The following TMEM108 variants were observed in gnomAD, a reference collection of about 807,000 sequenced individuals.
The protein encoded by TMEM108 is transmembrane protein 108, also known as cancer/testis antigen 124.
TMEM108 carries 12 observed loss-of-function variants against 35.1 expected under a neutral mutation model. The ratio of observed to expected loss-of-function variants is 0.34; its 90% CI spans 0.22 to 0.55. The LOEUF (loss-of-function observed/expected upper bound fraction) is 0.55. Ranked by LOEUF, TMEM108 falls within the 20% of genes least tolerant of loss-of-function variation. TMEM108 has a pLI of 0.89. For synonymous variants in TMEM108, 287 were observed against 308.6 expected, an observed-to-expected ratio of 0.93 and a Z score of 0.73; for missense variants, 680 against 753.3, an observed-to-expected ratio of 0.90 and a Z score of 1.14.
At chr3:133,286,037 C>G (rs1470276354) in intron 3 of TMEM108, among the ~76,000 whole-genome samples, 2 of 152,224 alleles carry the variant, frequency 1.3e-5, no homozygotes, top group South Asian at 2.1e-4. Flanking sequence ...ACTTTCACAA[C>G]TACCTCATCA....
At chr3:133,117,881 A>G (rs1396896975) in intron 2 of TMEM108, among the ~76,000 whole-genome samples, 1 of 152,188 alleles carries the variant, frequency 6.6e-6, no homozygotes, top group Non-Finnish European at 1.5e-5. Flanking sequence ...TGGAGTAATC[A>G]GCACCTGGGT....
At chr3:133,385,149 A>G (rs2073114611) in intron 4 of TMEM108, among the ~76,000 whole-genome samples, 3 of 152,220 alleles carry the variant, frequency 2.0e-5, no homozygotes, top group Admixed American at 2.0e-4. Flanking sequence ...ATTATTATAT[A>G]AGAAAACCCG....
intron 2 of TMEM108, among the ~76,000 whole-genome samples, chr3:133,065,945 A>T (rs758686356): frequency 7.2e-5 from 11 of 152,182 alleles, no homozygotes; most frequent in Non-Finnish European, 1.6e-4. Context: ...ATACTCTCTA[A>T]GTTAAGTGTA....
intron 3 of TMEM108, among the ~76,000 whole-genome samples, chr3:133,304,989 A>G (rs1397021717): frequency 1.3e-5 from 2 of 152,160 alleles, no homozygotes; most frequent in African/African-American, 4.8e-5. Context: ...AGGCTGAGGC[A>G]GGAGAATCGC....
chr3:133,315,715 G>A (rs1224372021), intron 3 of TMEM108, among the ~76,000 whole-genome samples: 1 of 152,336 alleles, frequency 6.6e-6, no homozygotes, highest in Non-Finnish European at 1.5e-5. Flanking sequence ...AAAGACCAAC[G>A]AAGTAGCCGA....
At chr3:133,070,043 C>T (rs1456441739) in intron 2 of TMEM108, among the ~76,000 whole-genome samples, 4 of 152,156 alleles carry the variant, frequency 2.6e-5, no homozygotes, top group Non-Finnish European at 4.4e-5. Context: ...CATCATACCT[C>T]ATTCAATGGT....
At chr3:133,055,233 G>T (rs1943452625) in intron 2 of TMEM108, among the ~76,000 whole-genome samples, 1 of 152,138 alleles carries the variant, frequency 6.6e-6, no homozygotes, top group Non-Finnish European at 1.5e-5. Flanking sequence ...ACCACACGTT[G>T]CCAGAAGATT....
chr3:133,249,228 A>T (rs761378752), intron 3 of TMEM108, among the ~76,000 whole-genome samples: 1 of 152,252 alleles, frequency 6.6e-6, no homozygotes. Flanking sequence ...AGAGACAGTA[A>T]TGGGACAGCC....
chr3:133,106,057 T>G (rs149314752), intron 2 of TMEM108, among the ~76,000 whole-genome samples: 1 of 152,030 alleles, frequency 6.6e-6, no homozygotes, highest in African/African-American at 2.4e-5. Context: ...CTAATAGGGG[T>G]GAATGTCATT....
At chr3:133,387,150 G>A (rs1369291250) in intron 4 of TMEM108, 1 of 985,322 alleles carries the variant, frequency 1.0e-6, no homozygotes, top group Non-Finnish European at 1.2e-6. Flanking sequence ...CTCTCTTGTA[G>A]AGGATGTTGG....
intron 2 of TMEM108, among the ~76,000 whole-genome samples, chr3:133,058,870 G>C (rs9860262): frequency 0.62 from 94,112 of 152,116 alleles, 29,943 homozygotes; most frequent in African/African-American, 0.77. Flanking sequence ...AGCAGGAGCT[G>C]AGATATGGGG....
chr3:133,173,592 A>G (rs1337603804), intron 2 of TMEM108, among the ~76,000 whole-genome samples: 4 of 152,256 alleles, frequency 2.6e-5, no homozygotes, highest in Non-Finnish European at 5.9e-5. Context: ...TTAATGAGGT[A>G]GCATGCAATG....
chr3:133,083,920 T>TCCC (rs928876352), intron 2 of TMEM108, among the ~76,000 whole-genome samples: 2 of 152,096 alleles, frequency 1.3e-5, no homozygotes, highest in Non-Finnish European at 2.9e-5. Flanking sequence ...TATGTCATAT[T>TCCC]CCCTTAGTGT....
At chr3:133,196,681 C>G (rs1396939872) in intron 2 of TMEM108, among the ~76,000 whole-genome samples, 2 of 152,198 alleles carry the variant, frequency 1.3e-5, no homozygotes, top group African/African-American at 4.8e-5. Flanking sequence ...TTATCCATCT[C>G]AAGTAACAAG....
At chr3:133,237,303 T>C (rs1265337829) in intron 3 of TMEM108, among the ~76,000 whole-genome samples, 1 of 152,126 alleles carries the variant, frequency 6.6e-6, no homozygotes, top group Non-Finnish European at 1.5e-5. Context: ...TGGATGCATT[T>C]GGATACTAGC....
intron 3 of TMEM108, among the ~76,000 whole-genome samples, chr3:133,327,043 A>G (rs903077715): frequency 7.2e-5 from 11 of 151,984 alleles, no homozygotes; most frequent in Admixed American, 2.0e-4. Flanking sequence ...TTTTCACTGA[A>G]CATAGGAACC....
chr3:133,062,251 T>C (rs1943545973), intron 2 of TMEM108, among the ~76,000 whole-genome samples: 3 of 152,362 alleles, frequency 2.0e-5, no homozygotes, highest in East Asian at 1.9e-4. Flanking sequence ...GTTAACCCAA[T>C]GGATAAACAA....
intron 2 of TMEM108, among the ~76,000 whole-genome samples, chr3:133,172,410 A>G (rs548269065): frequency 6.6e-6 from 1 of 152,366 alleles, no homozygotes; most frequent in Non-Finnish European, 1.5e-5. Flanking sequence ...GTTCTAGTAG[A>G]ATTTGACAAT....
intron 3 of TMEM108, among the ~76,000 whole-genome samples, chr3:133,269,864 AC>A (rs1946746961): frequency 6.6e-6 from 1 of 152,080 alleles, no homozygotes; most frequent in African/African-American, 2.4e-5. Flanking sequence ...TTGCAATTGT[AC>A]CACCCCATCC....
Sources: allele counts gnomAD v4.1 joint callset (sites outside exome capture counted in the v4.1 genomes callset), GRCh38; gene constraint gnomAD v4.1.1; transcripts MANE v1.5; gene names NCBI Gene and HGNC (gene_info 2026-07-23, HGNC 2026-07-21).